SHANK2: variants seen among roughly 807,000 people sequenced by gnomAD.
The protein encoded by SHANK2 is SH3 and multiple ankyrin repeat domains 2.
A neutral mutation model predicts 133.7 loss-of-function variants in SHANK2; 43 were observed. That is an observed-to-expected ratio of 0.32 (90% confidence interval 0.25 to 0.41). SHANK2 has a LOEUF of 0.41. SHANK2 is among the 10% of genes least tolerant of loss of function. The pLI, the probability that SHANK2 is intolerant of heterozygous loss-of-function variation, is 1.00. For missense variants in SHANK2, 1,994 were observed against 2,235.8 expected (o/e 0.89, Z 2.18); for synonymous variants, 1,017 against 952.8 (o/e 1.07, Z -1.24).
chr11:70,536,969 A>G (rs1375324480), intron 17 of SHANK2, among the ~76,000 whole-genome samples: 1 of 152,178 alleles, frequency 6.6e-6, no homozygotes, highest in African/African-American at 2.4e-5. Context: ...GGAAATAAAC[A>G]GCATTTTCTG....
intron 8 of SHANK2, among the ~76,000 whole-genome samples, chr11:71,083,731 C>T (rs933387450): frequency 1.5e-3 from 222 of 152,322 alleles, no homozygotes; most frequent in African/African-American, 5.0e-3. Flanking sequence ...GACCACACCC[C>T]CTGTGGCCAG....
rs782181006 is a variant in SHANK2, at chr11:70,670,719, C to T, written c.1854-9041G>A. Among the ~76,000 whole-genome samples, 7 of 152,358 alleles carry T rather than the reference C, an allele frequency of 4.6e-5. No homozygotes were observed. The East Asian group carries it at 5.8e-4, about 13-fold the overall frequency. ...AACTCACAGGGGAAATGATGCCCAA[C>T]GCCCAGTGCCATCCTGGTGCCTGAG... On this transcript the variant is annotated intron_variant, in intron 15 of 25. Coordinates refer to ENST00000601538, the MANE Select transcript of SHANK2 (RefSeq NM_012309.5).
chr11:70,798,203 T>C (rs1947960868), intron 14 of SHANK2, among the ~76,000 whole-genome samples: 1 of 152,176 alleles, frequency 6.6e-6, no homozygotes, highest in East Asian at 1.9e-4. Context: ...TTCTGGGACG[T>C]GTACTGAGCA....
At chr11:70,602,927 A>G (rs1413908001) in intron 17 of SHANK2, among the ~76,000 whole-genome samples, 1 of 152,244 alleles carries the variant, frequency 6.6e-6, no homozygotes, top group East Asian at 1.9e-4. Context: ...AGGTGGGAAA[A>G]TGAATAAACG....
In SHANK2 at chr11:71,071,199, C is replaced by T. The variant is rs999595534; in HGVS notation, c.1029+3960G>A. On this transcript the variant is annotated intron_variant, in intron 9 of 25. Transcript: ENST00000601538. ...GCAGATGTTGGTGCAGATGTGTTTA[C>T]CAGCCACAGCCAAGCCTCATGATGT... is the stretch of plus-strand genomic sequence containing the variant. Among the ~76,000 whole-genome samples, 690 of 152,312 alleles carry T rather than the reference C, an allele frequency of 4.5e-3. 1 individual carries two copies. The highest frequency in any genetic ancestry group is 8.0e-3 in the Admixed American group (122 of 15,294).
chr11:70,551,970 G>A (rs1236808751), intron 17 of SHANK2, among the ~76,000 whole-genome samples: 2 of 152,224 alleles, frequency 1.3e-5, no homozygotes, highest in Non-Finnish European at 2.9e-5. Flanking sequence ...GCACGGGGGA[G>A]CCCGTGGGGG....
At chr11:70,661,902 G>A in intron 15 of SHANK2, 1 of 1,260,090 alleles carries the variant, frequency 7.9e-7, no homozygotes, top group African/African-American at 1.5e-5. Context: ...CTTGCAGGGT[G>A]GGGGCAGGCA....
intron 11 of SHANK2, among the ~76,000 whole-genome samples, chr11:70,873,535 G>A (rs191088588): frequency 3.1e-4 from 47 of 152,320 alleles, no homozygotes; most frequent in Admixed American, 5.2e-4. Flanking sequence ...CCATGAAGGA[G>A]GAGCGGCTGC....
intron 2 of SHANK2, among the ~76,000 whole-genome samples, chr11:71,148,577 G>A (rs781783637): frequency 4.6e-5 from 7 of 152,300 alleles, no homozygotes; most frequent in South Asian, 4.1e-4. Context: ...TTCTGGGTGC[G>A]TTCTGTGGGG....
At chr11:71,073,156 C>CTTTTTTTTTTTT (rs1198101078) in intron 9 of SHANK2, among the ~76,000 whole-genome samples, 1 of 40,778 alleles carries the variant, frequency 2.5e-5, no homozygotes, top group African/African-American at 6.8e-5. Flanking sequence ...TCTTTTTTTT[C>CTTTTTTTTTTTT]TTTTTTTTCT....
chr11:70,776,810 C>T (rs1324315710), intron 14 of SHANK2, among the ~76,000 whole-genome samples: 1 of 151,608 alleles, frequency 6.6e-6, no homozygotes, highest in African/African-American at 2.4e-5. Flanking sequence ...ATCCTCCCAC[C>T]TGTCCATCCC....
At chr11:70,811,084 C>T (rs1266213616) in intron 12 of SHANK2, among the ~76,000 whole-genome samples, 1 of 152,136 alleles carries the variant, frequency 6.6e-6, no homozygotes, top group African/African-American at 2.4e-5. Context: ...CATGATCAGT[C>T]CCCAAGCACC....
At chr11:71,088,321 T>C (rs1374355948) in intron 8 of SHANK2, among the ~76,000 whole-genome samples, 3 of 152,110 alleles carry the variant, frequency 2.0e-5, no homozygotes, top group Admixed American at 6.6e-5. Context: ...CACACACACA[T>C]GCATGCATGT....
rs1207576876 is a variant in SHANK2 at position 70,535,287 on chromosome 11, C to A, written c.2062-32356G>T. 6.6e-6 allele frequency among the ~76,000 whole-genome samples: 1 copy of A among 152,134 alleles called. No individual in the cohort carries two copies. Among genetic ancestry groups the A allele is most frequent in the Non-Finnish European group, 1.5e-5 (1 of 68,024 alleles). On this transcript the variant is annotated intron_variant, in intron 17 of 25. Transcript: ENST00000601538. This position sits in a 1 kb window ranked among gnomAD's most constrained non-coding sequence, Gnocchi z 4.3. ...TCCATCCATCTGTCCTTCCATCCAT[C>A]CTCTATCCTCCATCATTCAGTCCAT...
At chr11:70,847,329 C>T (rs1172212585) in intron 11 of SHANK2, among the ~76,000 whole-genome samples, 2 of 152,190 alleles carry the variant, frequency 1.3e-5, no homozygotes, top group Admixed American at 6.5e-5. Context: ...TCTAATGAGA[C>T]GGGGTCCCCC....
In SHANK2 at chr11:71,088,870, CT is replaced by C. The variant is rs1488870594; in HGVS notation, c.912+3551del. Among the ~76,000 whole-genome samples the C allele has an allele frequency of 5.2e-4, 77 of 147,890 alleles. 1 individual carries two copies. Among genetic ancestry groups the C allele is most frequent in the African/African-American group, 1.8e-3 (71 of 39,586 alleles). On this transcript the variant is annotated intron_variant, in intron 8 of 25. Transcript: ENST00000601538. ...TGCACCACCCCACCAGAGGCCTCCC[CT>C]CGTCCTGAACTTGACCTTGTGGGTG... is the stretch of plus-strand genomic sequence containing the variant.
At chr11:71,106,862 C>T (rs1462622354) in intron 6 of SHANK2, among the ~76,000 whole-genome samples, 1 of 152,012 alleles carries the variant, frequency 6.6e-6, no homozygotes, top group African/African-American at 2.4e-5. Context: ...TGGTGGCACA[C>T]ACCTGTAATC....
rs143360154 is a variant in SHANK2 at position 71,165,591 on chromosome 11, T to A, written c.-12-18253A>T. On this transcript the variant is annotated intron_variant, in intron 2 of 25. Transcript: ENST00000601538. ...TGTCGCTTCTCTCTGCGAAGCCTGG[T>A]CAAACCCTACAGCGAGATCATTCAT... Among the ~76,000 whole-genome samples the A allele has an allele frequency of 2.2e-4, 33 of 152,216 alleles. No homozygotes were observed. In the East Asian group the frequency reaches 6.4e-3, roughly 29 times the overall value.
intron 22 of SHANK2, 74 bp from the exon 23 acceptor site, chr11:70,490,461 A>T (rs539826274): frequency 5.9e-5 from 75 of 1,263,336 alleles, no homozygotes; most frequent in Non-Finnish European, 8.6e-5. Context: ...CCCAGAGACC[A>T]CAAGGGAACT....
Sources: allele counts gnomAD v4.1 joint callset (sites outside exome capture counted in the v4.1 genomes callset), GRCh38; gene constraint gnomAD v4.1.1; non-coding constraint Gnocchi (gnomAD v3.1); transcripts MANE v1.5; gene names NCBI Gene and HGNC (gene_info 2026-07-23, HGNC 2026-07-21).